The following MAGI2 variants were observed in gnomAD, a reference collection of about 807,000 sequenced individuals.
The protein encoded by MAGI2 is membrane associated guanylate kinase, WW and PDZ domain containing 2.
Under a neutral mutation model 133.3 loss-of-function variants are expected in MAGI2, and 35 were observed. The ratio of observed to expected loss-of-function variants is 0.26; its 90% CI spans 0.20 to 0.35. MAGI2 has a LOEUF of 0.35. Among genes scored for constraint, MAGI2 ranks in the 10% least tolerant of loss-of-function variants. MAGI2 has a pLI of 1.00. For missense variants in MAGI2, 1,636 were observed against 1,863.4 expected (o/e 0.88, Z 2.25); for synonymous variants, 729 against 710.6 (o/e 1.03, Z -0.41).
intron 10 of MAGI2, among the ~76,000 whole-genome samples, chr7:78,203,881 C>T (rs1468217692): frequency 1.3e-5 from 2 of 152,156 alleles, no homozygotes; most frequent in South Asian, 2.1e-4. Flanking sequence ...TCCAACTTTC[C>T]GCTCAACTTC....
At chr7:79,088,825 T>C (rs1714331555) in intron 1 of MAGI2, among the ~76,000 whole-genome samples, 1 of 152,006 alleles carries the variant, frequency 6.6e-6, no homozygotes, top group Non-Finnish European at 1.5e-5. Context: ...TTGATTTGTG[T>C]ATATTGAACC....
chr7:78,796,403 T>C (rs1170977739), intron 2 of MAGI2, among the ~76,000 whole-genome samples: 5 of 152,044 alleles, frequency 3.3e-5, no homozygotes, highest in Non-Finnish European at 7.4e-5. Flanking sequence ...TCACTAATCA[T>C]CAGGTAAACA....
chr7:78,683,494 A>G (rs941663912), intron 2 of MAGI2, among the ~76,000 whole-genome samples: 2 of 152,146 alleles, frequency 1.3e-5, no homozygotes, highest in African/African-American at 4.8e-5. Flanking sequence ...CAAAGTTTGT[A>G]AGGGCTTTTG....
intron 1 of MAGI2, among the ~76,000 whole-genome samples, chr7:79,387,361 C>T (rs1014957048): frequency 1.3e-5 from 2 of 152,012 alleles, no homozygotes; most frequent in African/African-American, 4.8e-5. Context: ...TCGATTACCA[C>T]TTAGACGTTC....
intron 7 of MAGI2, chr7:78,350,024 T>C (rs1469019686): frequency 6.6e-6 from 1 of 152,174 alleles, no homozygotes; most frequent in Non-Finnish European, 1.5e-5. Flanking sequence ...ATCTAGTCTA[T>C]TGTCATATTT....
At chr7:79,358,321 C>T (rs10485955) in intron 1 of MAGI2, among the ~76,000 whole-genome samples, 22,173 of 152,006 alleles carry the variant, frequency 0.15, 1,728 homozygotes, top group South Asian at 0.26. Context: ...TATTTTTACC[C>T]AAGTCAACTA....
chr7:78,226,317 G>GT (rs199937484), intron 10 of MAGI2, among the ~76,000 whole-genome samples: 5 of 60,440 alleles, frequency 8.3e-5, no homozygotes, highest in South Asian at 1.2e-3. Flanking sequence ...GTATACAAAT[G>GT]TTTAAAAAAA....
At chr7:78,903,397 A>G (rs549114732) in intron 2 of MAGI2, among the ~76,000 whole-genome samples, 31 of 151,472 alleles carry the variant, frequency 2.0e-4, no homozygotes, top group African/African-American at 6.1e-4. Context: ...GGGTTTCACC[A>G]TGTTAGCCAG....
intron 10 of MAGI2, among the ~76,000 whole-genome samples, chr7:78,236,593 A>G (rs1790565999): frequency 6.6e-6 from 1 of 152,214 alleles, no homozygotes; most frequent in South Asian, 2.1e-4. Flanking sequence ...TATATCCACT[A>G]GAACAATTAC....
At chr7:78,818,412 G>A (rs1789795502) in intron 2 of MAGI2, among the ~76,000 whole-genome samples, 1 of 152,108 alleles carries the variant, frequency 6.6e-6, no homozygotes, top group African/African-American at 2.4e-5. Context: ...AGTATGAACT[G>A]CCAAACATGG....
At chr7:79,044,848 T>A (rs1006097791) in intron 1 of MAGI2, among the ~76,000 whole-genome samples, 2 of 152,162 alleles carry the variant, frequency 1.3e-5, no homozygotes, top group African/African-American at 2.4e-5. Flanking sequence ...GCATAACCAC[T>A]TGGAAAAGTT....
chr7:79,007,335 T>C, intron 1 of MAGI2, 129 bp from the exon 2 acceptor site: 2 of 580,642 alleles, frequency 3.4e-6, no homozygotes, highest in South Asian at 4.4e-5. Flanking sequence ...CTTTTGATCT[T>C]CTCAAACATT....
chr7:79,210,006 T>C (rs1829374122), intron 1 of MAGI2, among the ~76,000 whole-genome samples: 2 of 152,024 alleles, frequency 1.3e-5, no homozygotes, highest in African/African-American at 2.4e-5. Context: ...ATAAACAAAA[T>C]GAAAGATAAA....
At chr7:79,399,899 C>T (rs1237101971) in intron 1 of MAGI2, among the ~76,000 whole-genome samples, 1 of 152,154 alleles carries the variant, frequency 6.6e-6, no homozygotes, top group African/African-American at 2.4e-5. Context: ...GTTAATCATA[C>T]TAATATTGTA....
intron 1 of MAGI2, among the ~76,000 whole-genome samples, chr7:79,317,715 T>C (rs1462498760): frequency 6.6e-6 from 1 of 152,142 alleles, no homozygotes; most frequent in Non-Finnish European, 1.5e-5. Context: ...GGCCACTGGC[T>C]CTCATACTGG....
At chr7:79,274,815 C>G (rs1428715155) in intron 1 of MAGI2, among the ~76,000 whole-genome samples, 1 of 152,082 alleles carries the variant, frequency 6.6e-6, no homozygotes, top group Admixed American at 6.6e-5. Context: ...TAGTAATTCT[C>G]ACAATATTTC....
At chr7:79,393,558 C>T (rs1424022179) in intron 1 of MAGI2, among the ~76,000 whole-genome samples, 1 of 151,998 alleles carries the variant, frequency 6.6e-6, no homozygotes, top group African/African-American at 2.4e-5. Flanking sequence ...AAAAGTAATT[C>T]TCATTCTCAG....
chr7:78,316,916 A>C (rs1787467448), intron 9 of MAGI2, among the ~76,000 whole-genome samples: 1 of 152,136 alleles, frequency 6.6e-6, no homozygotes, highest in South Asian at 2.1e-4. Flanking sequence ...AAATTAGGTA[A>C]ATTAATATTT....
At chr7:78,153,985 G>A (rs922293702) in intron 16 of MAGI2, among the ~76,000 whole-genome samples, 1 of 152,102 alleles carries the variant, frequency 6.6e-6, no homozygotes, top group African/African-American at 2.4e-5. Flanking sequence ...CTTGGCTTTT[G>A]TTTTACTTTG....
Sources: allele counts gnomAD v4.1 joint callset (sites outside exome capture counted in the v4.1 genomes callset), GRCh38; gene constraint gnomAD v4.1.1; transcripts MANE v1.5; gene names NCBI Gene and HGNC (gene_info 2026-07-23, HGNC 2026-07-21).